VTI1A: variants seen among roughly 807,000 people sequenced by gnomAD.
The protein encoded by VTI1A is vesicle transport through interaction with t-SNAREs homolog 1A.
Under a neutral mutation model 34.9 loss-of-function variants are expected in VTI1A, and 22 were observed. The observed-to-expected ratio is 0.63, with a 90% CI of 0.45 to 0.90. VTI1A has a LOEUF of 0.90. Among genes scored for constraint, VTI1A ranks in the 40% least tolerant of loss-of-function variants. VTI1A has a pLI of 0.00. For missense variants in VTI1A, 268 were observed against 275.6 expected, an observed-to-expected ratio of 0.97 and a Z score of 0.20; for synonymous variants, 87 against 97.3, an observed-to-expected ratio of 0.89 and a Z score of 0.62.
intron 5 of VTI1A, among the ~76,000 whole-genome samples, chr10:112,543,833 T>C (rs189648071): frequency 2.0e-5 from 3 of 152,372 alleles, no homozygotes; most frequent in Admixed American, 6.5e-5. Flanking sequence ...AAGTCTTTAA[T>C]CCATCTTGAA....
rs143469995 is a variant in VTI1A, at chr10:112,783,883, G to A, written c.561-31407G>A. On this transcript the variant is annotated intron_variant, in intron 7 of 7. Transcript: ENST00000393077. ...GTCTAGGCACTCCTGAACAAATGCCGAACAAGCACATTCCTGTCCTACTCC... is the reference window on the plus strand; with the variant it reads ...GTCTAGGCACTCCTGAACAAATGCCAAACAAGCACATTCCTGTCCTACTCC... 2.2e-4 allele frequency among the ~76,000 whole-genome samples: 33 copies of A among 152,222 alleles called. No homozygotes were observed. In the East Asian group the frequency reaches 5.6e-3, roughly 26 times the overall value.
intron 5 of VTI1A, among the ~76,000 whole-genome samples, chr10:112,626,193 CAG>C (rs1430355622): frequency 1.3e-5 from 2 of 152,056 alleles, no homozygotes; most frequent in African/African-American, 4.8e-5. Context: ...GGCTGAAGCA[CAG>C]AGAGGTAAAA....
intron 7 of VTI1A, among the ~76,000 whole-genome samples, chr10:112,788,481 T>A (rs1468741581): frequency 6.6e-6 from 1 of 152,208 alleles, no homozygotes; most frequent in Non-Finnish European, 1.5e-5. Context: ...TAGTTACTGT[T>A]TGCATATATT....
At chr10:112,725,521 C>T (rs931478668) in intron 7 of VTI1A, among the ~76,000 whole-genome samples, 4 of 152,214 alleles carry the variant, frequency 2.6e-5, no homozygotes, top group African/African-American at 9.6e-5. Context: ...ATGAAGTTCT[C>T]TATCAACCTG....
chr10:112,741,125 T>C (rs1414147934), intron 7 of VTI1A, among the ~76,000 whole-genome samples: 1 of 152,194 alleles, frequency 6.6e-6, no homozygotes, highest in African/African-American at 2.4e-5. Flanking sequence ...AGTAGATTAT[T>C]AGTGGTCACA....
chr10:112,818,792 G>A (rs1853595775), downstream of VTI1A: 1 of 150,610 alleles, frequency 6.6e-6, no homozygotes, highest in South Asian at 3.0e-4. Flanking sequence ...AACATTAGCT[G>A]TGTCATGTGG....
chr10:112,508,788 G>A (rs1197101136), intron 3 of VTI1A, among the ~76,000 whole-genome samples: 3 of 152,088 alleles, frequency 2.0e-5, no homozygotes, highest in African/African-American at 4.8e-5. Context: ...TTCAGAGTTC[G>A]GGATAAAATA....
At chr10:112,721,066 A>T (rs1849788854) in intron 7 of VTI1A, among the ~76,000 whole-genome samples, 1 of 152,180 alleles carries the variant, frequency 6.6e-6, no homozygotes, top group African/African-American at 2.4e-5. Context: ...TGTAAGATTG[A>T]TACTTTTATT....
chr10:112,839,773 C>T, the VTI1A span, among the ~76,000 whole-genome samples: 1 of 152,202 alleles, frequency 6.6e-6, no homozygotes, highest in Non-Finnish European at 1.5e-5. Context: ...TAAGGCAAAG[C>T]AGGGCCACTT....
At chr10:112,774,939 C>T (rs567552337) in intron 7 of VTI1A, among the ~76,000 whole-genome samples, 3 of 152,252 alleles carry the variant, frequency 2.0e-5, no homozygotes, top group Admixed American at 1.3e-4. Context: ...GCTGACATAT[C>T]CCAGGCTAGA....
At chr10:112,521,473 A>C (rs1179607761) in intron 3 of VTI1A, among the ~76,000 whole-genome samples, 5 of 152,106 alleles carry the variant, frequency 3.3e-5, no homozygotes, top group Admixed American at 6.6e-5. Flanking sequence ...TTAGTTGAAC[A>C]TGCTCTGGAG....
chr10:112,698,036 A>C (rs150585010), intron 7 of VTI1A, among the ~76,000 whole-genome samples: 1 of 152,252 alleles, frequency 6.6e-6, no homozygotes, highest in East Asian at 1.9e-4. Flanking sequence ...TTTGCTTTGG[A>C]ATGGAAGCCT....
chr10:112,770,470 A>G (rs538649172), intron 7 of VTI1A, among the ~76,000 whole-genome samples: 3 of 149,724 alleles, frequency 2.0e-5, no homozygotes, highest in African/African-American at 7.4e-5. Context: ...ATCTCGGCTC[A>G]CTGCAAGCTC....
chr10:112,464,160 A>G (rs769921431), intron 2 of VTI1A, among the ~76,000 whole-genome samples: 3 of 152,104 alleles, frequency 2.0e-5, no homozygotes, highest in Non-Finnish European at 4.4e-5. Context: ...CACCACGCCC[A>G]GCTAATTTGG....
chr10:112,804,905 G>T (rs2134078347), intron 7 of VTI1A, among the ~76,000 whole-genome samples: 1 of 121,920 alleles, frequency 8.2e-6, no homozygotes, highest in South Asian at 2.7e-4. Flanking sequence ...CTGTCTCCCA[G>T]ACTGGAATGC....
the VTI1A span, among the ~76,000 whole-genome samples, chr10:112,842,052 T>TTTTTTTTTTTC: frequency 4.9e-5 from 2 of 40,996 alleles, no homozygotes; most frequent in African/African-American, 1.4e-4. Flanking sequence ...TTTTTTTTCC[T>TTTTTTTTTTTC]TTTTTTTTTT....
At chr10:112,545,502 A>C (rs774202245) in intron 5 of VTI1A, among the ~76,000 whole-genome samples, 12 of 152,324 alleles carry the variant, frequency 7.9e-5, no homozygotes, top group Middle Eastern at 3.4e-3. Context: ...TTTTCTGTCT[A>C]ATCATTTTCA....
chr10:112,602,741 A>C (rs1181169362), intron 5 of VTI1A, among the ~76,000 whole-genome samples: 1 of 152,242 alleles, frequency 6.6e-6, no homozygotes. Context: ...ATTGTGGTCA[A>C]AATGTCAAAC....
chr10:112,522,847 T>C (rs1237616796), intron 3 of VTI1A, among the ~76,000 whole-genome samples: 1 of 152,074 alleles, frequency 6.6e-6, no homozygotes, highest in Non-Finnish European at 1.5e-5. Flanking sequence ...TATAAATCTA[T>C]TTACAATGTG....
Sources: gnomAD v4.1 joint callset for allele counts (sites outside exome capture counted in the v4.1 genomes callset) on GRCh38, gnomAD v4.1.1 for gene constraint, MANE v1.5 for transcripts, NCBI Gene and HGNC (gene_info 2026-07-23, HGNC 2026-07-21) for gene names.